The following CALCR variants were observed in gnomAD, a reference collection of about 807,000 sequenced individuals.
CALCR encodes calcitonin receptor.
A neutral mutation model predicts 59.5 loss-of-function variants in CALCR; 47 were observed. The ratio of observed to expected loss-of-function variants is 0.79; its 90% confidence interval spans 0.63 to 1.01. The LOEUF (loss-of-function observed/expected upper bound fraction) is 1.01, where lower values mean the gene tolerates loss of function less well. Ranked by LOEUF, CALCR falls within the 50% of genes least tolerant of loss-of-function variation. The pLI is 0.00. For missense variants in CALCR, 566 were observed against 597.1 expected (o/e 0.95, Z 0.54); for synonymous variants, 213 against 211.3 (o/e 1.01, Z -0.07).
rs1483413960 is a variant in CALCR at position 93,460,042 on chromosome 7, A to T, written c.648+779T>A. Among the ~76,000 whole-genome samples, 3 of 152,180 alleles carry T rather than the reference A, an allele frequency of 2.0e-5. No homozygotes were observed. In the East Asian group the frequency reaches 5.8e-4, roughly 29 times the overall value. On this transcript the variant is annotated intron_variant, in intron 8 of 13. Coordinates refer to ENST00000426151, the MANE Select transcript of CALCR (RefSeq NM_001742.4). ...CATGATCATATTTATATGGTTCATT[A>T]GCAAAAGGGAATAGCTACTCATAGG...
intron 2 of CALCR, among the ~76,000 whole-genome samples, chr7:93,561,198 A>G (rs1372918253): frequency 1.3e-5 from 2 of 152,204 alleles, no homozygotes; most frequent in Non-Finnish European, 2.9e-5. Context: ...GTAAGCACTT[A>G]GTAGGTTGCA....
At chr7:93,570,438 T>G (rs1183614648) in intron 2 of CALCR, among the ~76,000 whole-genome samples, 1 of 152,122 alleles carries the variant, frequency 6.6e-6, no homozygotes, top group Admixed American at 6.5e-5. Context: ...AGTCTGAGAC[T>G]TGATAAGAGA....
chr7:93,554,081 A>G (rs182448050), intron 2 of CALCR, among the ~76,000 whole-genome samples: 4 of 152,326 alleles, frequency 2.6e-5, no homozygotes, highest in Admixed American at 2.6e-4. Flanking sequence ...AGGGTCAGAG[A>G]TTAAACCTTC....
At chr7:93,441,478 A>G (rs1337713228) in intron 9 of CALCR, 2 of 447,134 alleles carry the variant, frequency 4.5e-6, no homozygotes, top group Non-Finnish European at 8.9e-6. Flanking sequence ...AAATCTAGAA[A>G]TTGTTGAGAG....
chr7:93,559,668 T>C (rs1410446244), intron 2 of CALCR: 1 of 152,016 alleles, frequency 6.6e-6, no homozygotes, highest in Non-Finnish European at 1.5e-5. Flanking sequence ...GCAAAGCTAA[T>C]CTTCTTTGAA....
At chr7:93,465,893 C>G (rs1323030537) in intron 7 of CALCR, among the ~76,000 whole-genome samples, 1 of 151,726 alleles carries the variant, frequency 6.6e-6, no homozygotes, top group African/African-American at 2.4e-5. Flanking sequence ...GTTCCAAAGC[C>G]TCTTGTATGA....
chr7:93,532,554 C>T (rs1788866208), intron 2 of CALCR, among the ~76,000 whole-genome samples: 2 of 151,916 alleles, frequency 1.3e-5, no homozygotes, highest in African/African-American at 4.8e-5. Context: ...TACATAATTG[C>T]TCTTCATGGT....
rs566413852 is a variant in CALCR at position 93,481,091 on chromosome 7, G to A, written c.52-1584C>T. ...CTAGGAAACGTAAAATAAGAAGAGC[G>A]GTAAGAATAATATTTATCATCTGTC... is the stretch of plus-strand genomic sequence containing the variant. On this transcript the variant is annotated intron_variant, in intron 3 of 13. Transcript: ENST00000426151. Among the ~76,000 whole-genome samples, 14 of 151,828 alleles carry A rather than the reference G, an allele frequency of 9.2e-5. No individual in the cohort carries two copies. The South Asian group carries it at 2.1e-3, about 23-fold the overall frequency.
At chr7:93,558,826 C>A (rs917513198) in intron 2 of CALCR, among the ~76,000 whole-genome samples, 1 of 151,964 alleles carries the variant, frequency 6.6e-6, no homozygotes, top group Non-Finnish European at 1.5e-5. Flanking sequence ...GGAAGGAATG[C>A]GAGCTTGATA....
At chr7:93,486,832 T>C in intron 3 of CALCR, 99 bp downstream of exon 3, 1 of 786,320 alleles carries the variant, frequency 1.3e-6, no homozygotes, top group Non-Finnish European at 2.2e-6. Flanking sequence ...TGGAGACCAA[T>C]GCCTACCCTT....
chr7:93,507,231 AACACACAC>A (rs34181575), intron 2 of CALCR, among the ~76,000 whole-genome samples: 1 of 149,838 alleles, frequency 6.7e-6, no homozygotes, highest in African/African-American at 2.5e-5. Context: ...TTCCTTGTTG[AACACACAC>A]ACACACACAC....
intron 2 of CALCR, among the ~76,000 whole-genome samples, chr7:93,553,338 G>A (rs553104292): frequency 1.3e-5 from 2 of 152,284 alleles, no homozygotes; most frequent in African/African-American, 4.8e-5. Flanking sequence ...GAGATCCTGA[G>A]GAGGTACTGG....
At chr7:93,536,215 T>C (rs554557395) in intron 2 of CALCR, among the ~76,000 whole-genome samples, 1 of 151,846 alleles carries the variant, frequency 6.6e-6, no homozygotes, top group Admixed American at 6.6e-5. Context: ...CTGATAGCTG[T>C]TTTCTATGCT....
At chr7:93,538,846 A>G (rs999473287) in intron 2 of CALCR, among the ~76,000 whole-genome samples, 7 of 152,238 alleles carry the variant, frequency 4.6e-5, no homozygotes, top group African/African-American at 1.2e-4. Flanking sequence ...CCTGAGACCA[A>G]TCCCCTGAGA....
At chr7:93,570,587 AC>A (rs1314667856) in intron 2 of CALCR, among the ~76,000 whole-genome samples, 4 of 152,210 alleles carry the variant, frequency 2.6e-5, no homozygotes, top group Non-Finnish European at 5.9e-5. Flanking sequence ...TTATTCTGGT[AC>A]AAAGAATACC....
intron 2 of CALCR, among the ~76,000 whole-genome samples, chr7:93,556,683 T>C (rs944371921): frequency 1.4e-4 from 21 of 152,080 alleles, no homozygotes; most frequent in Non-Finnish European, 2.5e-4. Flanking sequence ...ATATATTTTT[T>C]CCTGAAACTT....
At chr7:93,547,768 C>A (rs983716881) in intron 2 of CALCR, among the ~76,000 whole-genome samples, 15 of 152,142 alleles carry the variant, frequency 9.9e-5, no homozygotes, top group Non-Finnish European at 1.8e-4. Flanking sequence ...ACTTACTTTC[C>A]CAGTAACTTA....
chr7:93,461,040 T>TA lies in CALCR; in HGVS notation c.522-94dup, dbSNP rs573597743. 984 of 1,077,232 alleles carry TA rather than the reference T, an allele frequency of 9.1e-4. 8 individuals carry two copies. In the South Asian group the frequency reaches 0.01, roughly 11 times the overall value. 66.7% of individuals were successfully genotyped at this position (1,077,232 alleles called of 1,614,324 possible). A position where few individuals can be genotyped will look rare whatever the true frequency, so the allele number is the denominator to read the frequency against. ...TTGGTAATATTTTTCATATTTTCTT[T>TA]AAAAAAAAGATGAAAGAACATATAG... On this transcript the variant is annotated intron_variant, in intron 7 of 13. Transcript: ENST00000426151.
At chr7:93,463,194 G>A (rs1374244961) in intron 7 of CALCR, among the ~76,000 whole-genome samples, 1 of 151,448 alleles carries the variant, frequency 6.6e-6, no homozygotes, top group Non-Finnish European at 1.5e-5. Context: ...TTATCCTGTT[G>A]TTCAACACTA....
Sources: allele counts gnomAD v4.1 joint callset (sites outside exome capture counted in the v4.1 genomes callset), GRCh38; gene constraint gnomAD v4.1.1; transcripts MANE v1.5; gene names NCBI Gene and HGNC (gene_info 2026-07-23, HGNC 2026-07-21).